PKHD1L1: variants seen among roughly 807,000 people sequenced by gnomAD.
The protein encoded by PKHD1L1 is fibrocystin-L.
In PKHD1L1, 434 loss-of-function variants were observed where a neutral mutation model predicts 462.9. The ratio of observed to expected loss-of-function variants is 0.94; its 90% confidence interval spans 0.87 to 1.02. The LOEUF is 1.02. Ranked by LOEUF, PKHD1L1 falls within the 50% of genes least tolerant of loss-of-function variation. PKHD1L1 has a pLI of 0.00. For synonymous variants in PKHD1L1, 1,781 were observed against 1,750.0 expected (o/e 1.02, Z -0.44); for missense variants, 5,202 against 5,096.1 (o/e 1.02, Z -0.63).
At position 109,417,857 on chromosome 8, in the gene PKHD1L1, A is replaced by G. The variant is rs569493818; in HGVS notation, c.2361-1240A>G. On this transcript the variant is annotated intron_variant, in intron 21 of 77. Coordinates refer to ENST00000378402, the MANE Select transcript of PKHD1L1 (RefSeq NM_177531.6). ...GAGCCACTGCACCTGGTCTCTAACA[A>G]ATATTTCTAGATCTGCTTTAATATA... 6.6e-5 allele frequency among the ~76,000 whole-genome samples: 10 copies of G among 152,278 alleles called. No individual in the cohort carries two copies. The East Asian group carries it at 1.9e-3, about 29-fold the overall frequency.
intron 68 of PKHD1L1, 106 bp downstream of exon 68, chr8:109,504,598 T>G (rs1819600138): frequency 3.4e-6 from 2 of 589,180 alleles, no homozygotes; most frequent in East Asian, 3.4e-5. Flanking sequence ...ACTGCCAGTT[T>G]TTATGATACT....
In PKHD1L1 at chr8:109,481,525, T is replaced by A. The variant is rs1381113573; in HGVS notation, c.9420T>A (p.Ala3140=). 6.3e-7 allele frequency: 1 copy of A among 1,595,766 alleles called. No homozygotes were observed. Among genetic ancestry groups the A allele is most frequent in the South Asian group, 1.1e-5 (1 of 87,736 alleles). ...GAAATCATACTACACAAGACTGGGC[T>A]CTTCCAGAAGGACCAAATCAAGGGG... is the stretch of plus-strand genomic sequence containing the variant. ...LRGNHTTQDW[A]LPEGPNQGAK... Residue 3140 remains alanine, a synonymous_variant, in exon 56 of 78, where the codon GCT becomes GCA. Transcript: ENST00000378402.
intron 18 of PKHD1L1, among the ~76,000 whole-genome samples, chr8:109,408,682 A>T (rs187881607): frequency 4.6e-5 from 7 of 152,330 alleles, no homozygotes; most frequent in African/African-American, 1.7e-4. Context: ...GAAATATGGT[A>T]CCCAAATCCT....
At chr8:109,390,308 T>C in intron 8 of PKHD1L1, 144 bp from the exon 9 acceptor site, 3 of 438,916 alleles carry the variant, frequency 6.8e-6, no homozygotes, top group Non-Finnish European at 1.2e-5. Context: ...CAATTTTTAT[T>C]TCTTTGATGA....
rs1351983532 is a variant in PKHD1L1 at position 109,406,358 on chromosome 8, G to A, written c.1693G>A (p.Glu565Lys). 2 of 1,553,620 alleles carry A rather than the reference G, an allele frequency of 1.3e-6. No homozygotes were observed. Among genetic ancestry groups the A allele is most frequent in the Admixed American group, 2.0e-5 (1 of 50,988 alleles). Residue 565 changes from glutamate to lysine, a missense_variant, in exon 17 of 78, where the codon GAA becomes AAA. Coordinates refer to ENST00000378402, the MANE Select transcript of PKHD1L1 (RefSeq NM_177531.6). ...AGTCTTCCTACCTGCTGATGCTTCT[G>A]AATTCATACTGCAATCAGCCTTGAA... is the stretch of plus-strand genomic sequence containing the variant. The part of the protein sequence containing the change: ...KTVFLPADAS[E>K]FILQSALNDL...
chr8:109,400,603 CTCT>C (rs1813225250), intron 13 of PKHD1L1, among the ~76,000 whole-genome samples: 2 of 76,124 alleles, frequency 2.6e-5, no homozygotes, highest in Admixed American at 3.9e-4. Flanking sequence ...AAATTCATCT[CTCT>C]ATTTTTTATA....
intron 74 of PKHD1L1, 84 bp downstream of exon 74, chr8:109,522,421 T>C (rs1322066971): frequency 2.2e-6 from 3 of 1,338,492 alleles, no homozygotes; most frequent in Non-Finnish European, 3.0e-6. Context: ...TCTGTTTCTA[T>C]TTCAAAACAA....
In PKHD1L1 at chr8:109,493,764, A is replaced by G. The variant is rs747347578; in HGVS notation, c.10327+13A>G. The G allele has an allele frequency of 6.4e-7, 1 of 1,555,552 alleles. No individual in the cohort carries two copies. Among genetic ancestry groups the G allele is most frequent in the Non-Finnish European group, 8.7e-7 (1 of 1,145,274 alleles). The stretch of plus-strand genomic sequence containing the variant: ...GAACCTTGCCCAGGTAAGTCTTTTA[A>G]ACCAGGAATCGCTAAAACTAGGAAA... On this transcript the variant is annotated intron_variant, in intron 63 of 77. Coordinates refer to ENST00000378402, the MANE Select transcript of PKHD1L1 (RefSeq NM_177531.6).
chr8:109,495,871 A>C (rs1001779662), intron 63 of PKHD1L1, among the ~76,000 whole-genome samples: 1 of 151,972 alleles, frequency 6.6e-6, no homozygotes, highest in Non-Finnish European at 1.5e-5. Flanking sequence ...GTGGGGAGGG[A>C]GTTATTAAGG....
At chr8:109,455,491 C>T (rs10099243) in intron 45 of PKHD1L1, among the ~76,000 whole-genome samples, 7,664 of 152,164 alleles carry the variant, frequency 0.05, 649 homozygotes, top group African/African-American at 0.17. Flanking sequence ...TTACACTAAC[C>T]GTAGTACCTG....
chr8:109,411,587 A>G (rs1334746723), intron 19 of PKHD1L1, among the ~76,000 whole-genome samples: 1 of 152,114 alleles, frequency 6.6e-6, no homozygotes, highest in Non-Finnish European at 1.5e-5. Flanking sequence ...CACCACCCTC[A>G]CATGCATTTC....
chr8:109,461,275 C>T (rs899359126), intron 47 of PKHD1L1, among the ~76,000 whole-genome samples: 5 of 152,112 alleles, frequency 3.3e-5, no homozygotes, highest in East Asian at 1.9e-4. Context: ...AAATGAGCTA[C>T]GTTCTCATTC....
At chr8:109,394,789 C>A (rs1812888167) in intron 10 of PKHD1L1, among the ~76,000 whole-genome samples, 1 of 152,192 alleles carries the variant, frequency 6.6e-6, no homozygotes, top group Admixed American at 6.5e-5. Flanking sequence ...AAAAAATCTC[C>A]ACTGTCAATC....
At chr8:109,448,427 G>T in intron 39 of PKHD1L1, 36 bp downstream of exon 39, 4 of 1,543,078 alleles carry the variant, frequency 2.6e-6, no homozygotes, top group East Asian at 2.3e-5. Flanking sequence ...CAGATATTTT[G>T]TTTCAGTAAA....
chr8:109,468,914 A>T (rs1817582418), intron 50 of PKHD1L1, among the ~76,000 whole-genome samples: 1 of 152,192 alleles, frequency 6.6e-6, no homozygotes, highest in Non-Finnish European at 1.5e-5. Context: ...ATTTCTACCT[A>T]GGTAATTTGA....
Position 109,480,117 on chromosome 8 carries a change from A to G in PKHD1L1, c.9305A>G (p.Asn3102Ser). Residue 3102 changes from asparagine (N) to serine (S), a missense_variant, in exon 55 of 78, where the codon AAT becomes AGT. Coordinates refer to ENST00000378402, the MANE Select transcript of PKHD1L1 (RefSeq NM_177531.6). ...TCTTCTTACAGAGAAGTTGTTTTGA[A>G]TGCTACCTACATATCACTGCAGGTA... ...AESSYREVVL[N>S]ATYISLQGGR... 2 of 1,573,516 alleles carry G rather than the reference A, an allele frequency of 1.3e-6. No homozygotes were observed. The highest frequency in any genetic ancestry group is 3.7e-5 in the Admixed American group (2 of 53,988).
intron 73 of PKHD1L1, 128 bp downstream of exon 73, chr8:109,518,636 G>A: frequency 1.4e-6 from 1 of 713,996 alleles, no homozygotes; most frequent in South Asian, 2.2e-5. Flanking sequence ...AACCCTCTAA[G>A]TGCCCAGAGA....
At chr8:109,385,456 A>G (rs575188732) in intron 5 of PKHD1L1, 81 bp from the exon 6 acceptor site, 57 of 885,470 alleles carry the variant, frequency 6.4e-5, no homozygotes, top group Non-Finnish European at 9.4e-5. Context: ...TTTTATTGGG[A>G]AAATCTCTTA....
chr8:109,486,227 G>T (rs1030746311), intron 58 of PKHD1L1, among the ~76,000 whole-genome samples: 2 of 151,876 alleles, frequency 1.3e-5, no homozygotes, highest in Admixed American at 1.3e-4. Context: ...AGTGTTAATA[G>T]CTATGTGTTG....
Sources: allele counts gnomAD v4.1 joint callset (sites outside exome capture counted in the v4.1 genomes callset), GRCh38; gene constraint gnomAD v4.1.1; transcripts MANE v1.5; gene names NCBI Gene and HGNC (gene_info 2026-07-23, HGNC 2026-07-21).